Variants in NALCN observed in about 807,000 individuals in gnomAD.
NALCN encodes sodium leak channel NALCN.
A neutral mutation model predicts 225.3 loss-of-function variants in NALCN; 111 were observed. The observed-to-expected ratio is 0.49, with a 90% CI of 0.42 to 0.58. NALCN has a LOEUF of 0.58. Ranked by LOEUF, NALCN falls within the 20% of genes least tolerant of loss-of-function variation. The pLI, the probability that NALCN is intolerant of heterozygous loss-of-function variation, is 0.00. For synonymous variants in NALCN, 764 were observed against 769.0 expected (o/e 0.99, Z 0.11); for missense variants, 1,378 against 2,202.4 (o/e 0.63, Z 7.49).
At chr13:101,136,649 A>G (rs1199612442) in intron 17 of NALCN, among the ~76,000 whole-genome samples, 2 of 152,054 alleles carry the variant, frequency 1.3e-5, no homozygotes, top group Non-Finnish European at 2.9e-5. Flanking sequence ...CTTTTTTATG[A>G]CTGCATAGTA....
intron 10 of NALCN, among the ~76,000 whole-genome samples, chr13:101,264,667 C>T (rs1054918682): frequency 6.6e-6 from 1 of 152,176 alleles, no homozygotes; most frequent in Non-Finnish European, 1.5e-5. Context: ...TAGCAGGCTG[C>T]ACTGGGTGAC....
chr13:101,103,159 A>G lies in NALCN; in HGVS notation c.3057+13T>C. 1 of 1,610,988 alleles carries G rather than the reference A, an allele frequency of 6.2e-7. No individual in the cohort carries two copies. The highest frequency in any genetic ancestry group is 1.1e-5 in the South Asian group (1 of 90,394). ...CTACTGTGAACTGGAATCAAAGGAT[A>G]ATTCTCACATACCAAAAAAATTTCC... On this transcript the variant is annotated intron_variant, in intron 26 of 43. Transcript: ENST00000251127.
intron 14 of NALCN, among the ~76,000 whole-genome samples, chr13:101,191,359 T>C (rs1050946718): frequency 1.3e-5 from 2 of 152,234 alleles, no homozygotes; most frequent in African/African-American, 2.4e-5. Flanking sequence ...CGGTTCTTAC[T>C]GGACTTTGGT....
In NALCN at chr13:101,400,110, A is replaced by C. The variant is rs192796282; in HGVS notation, c.-39-945T>G. Among the ~76,000 whole-genome samples, 30 of 152,140 alleles carry C rather than the reference A, an allele frequency of 2.0e-4. No homozygotes were observed. The East Asian group carries it at 5.4e-3, about 27-fold the overall frequency. ...GGCATATACTATGTTTGGGACACTT[A>C]GCAATGATATTTTATTTGATCTTTA... On this transcript the variant is annotated intron_variant, in intron 1 of 43. Coordinates refer to ENST00000251127, the MANE Select transcript of NALCN (RefSeq NM_052867.4).
chr13:101,396,483 A>G (rs2047297476), intron 2 of NALCN, among the ~76,000 whole-genome samples: 1 of 152,190 alleles, frequency 6.6e-6, no homozygotes, highest in East Asian at 1.9e-4. Flanking sequence ...CAAATACTCA[A>G]GATGAAAAAT....
At chr13:101,199,358 A>T (rs1023417025) in intron 13 of NALCN, among the ~76,000 whole-genome samples, 1 of 151,906 alleles carries the variant, frequency 6.6e-6, no homozygotes, top group Non-Finnish European at 1.5e-5. Context: ...ACATATGTTT[A>T]CTGTGGCACT....
intron 13 of NALCN, among the ~76,000 whole-genome samples, chr13:101,226,211 C>T (rs181411821): frequency 1.7e-3 from 252 of 152,078 alleles, no homozygotes; most frequent in Middle Eastern, 6.8e-3. Flanking sequence ...TAAGATAAAC[C>T]CCCTCTGACC....
chr13:101,303,797 T>C (rs1358390254), intron 7 of NALCN, among the ~76,000 whole-genome samples: 2 of 152,114 alleles, frequency 1.3e-5, no homozygotes, highest in African/African-American at 4.8e-5. Context: ...CCAGCAATCA[T>C]ACCTTTCTAG....
rs375085795 is a variant in NALCN at position 101,059,802 on chromosome 13, C to T, written c.4905+16G>A. On this transcript the variant is annotated intron_variant, in intron 42 of 43. Transcript: ENST00000251127. Reference sequence around the variant, plus strand: ...CCACAGAGTGTCCTGGGACAGAGGACGCCTCGTGCCCATACCTCAGGTTGC... The same window carrying T: ...CCACAGAGTGTCCTGGGACAGAGGATGCCTCGTGCCCATACCTCAGGTTGC... The T allele has an allele frequency of 2.5e-5, 40 of 1,612,668 alleles. No individual in the cohort carries two copies. Among genetic ancestry groups the T allele is most frequent in the African/African-American group, 9.4e-5 (7 of 74,778 alleles).
chr13:101,291,410 T>TA (rs1345964360), intron 9 of NALCN, among the ~76,000 whole-genome samples: 1 of 152,198 alleles, frequency 6.6e-6, no homozygotes, highest in African/African-American at 2.4e-5. Context: ...AGGTATGTAA[T>TA]AAATGTGGTT....
At chr13:101,078,045 A>G (rs756658150) in intron 34 of NALCN, among the ~76,000 whole-genome samples, 9 of 152,208 alleles carry the variant, frequency 5.9e-5, no homozygotes, top group Non-Finnish European at 1.0e-4. Flanking sequence ...TGGCTTACAC[A>G]TGGTTTTGGG....
chr13:101,054,678 A>G lies in NALCN; in HGVS notation c.*617T>C, dbSNP rs2030988811. ...AGGAGGCAACAGTTTCATTAACATA[A>G]CTGAGGACAGAAATCAACTTGTTCT... On this transcript the variant is annotated 3_prime_UTR_variant, in exon 44 of 44. Transcript: ENST00000251127. The G allele has an allele frequency of 6.6e-6, 1 of 152,342 alleles. No individual in the cohort carries two copies. The highest frequency in any genetic ancestry group is 2.1e-4 in the South Asian group (1 of 4,828). The allele number at this position is 152,342 out of a possible 1,614,324, so 9.4% of individuals were successfully genotyped here.
At chr13:101,162,146 C>T (rs997239575) in intron 15 of NALCN, among the ~76,000 whole-genome samples, 10 of 152,168 alleles carry the variant, frequency 6.6e-5, no homozygotes, top group African/African-American at 7.2e-5. Context: ...CCATTTGTGT[C>T]GGGGTCTTCT....
intron 42 of NALCN, 120 bp from the exon 43 acceptor site, chr13:101,058,176 G>A: frequency 3.7e-6 from 3 of 805,242 alleles, no homozygotes; most frequent in Non-Finnish European, 5.9e-6. Context: ...TGGACTCAGA[G>A]TGTCCACAAT....
intron 27 of NALCN, among the ~76,000 whole-genome samples, chr13:101,096,647 C>T (rs542420694): frequency 6.6e-6 from 1 of 152,040 alleles, no homozygotes; most frequent in African/African-American, 2.4e-5. Flanking sequence ...AAGTGGCTGT[C>T]GTGTATACAA....
intron 15 of NALCN, among the ~76,000 whole-genome samples, chr13:101,158,038 C>T (rs1001785572): frequency 2.0e-5 from 3 of 152,126 alleles, no homozygotes; most frequent in Non-Finnish European, 4.4e-5. Context: ...GGGTGAGCAA[C>T]CAACTGTCTT....
intron 35 of NALCN, among the ~76,000 whole-genome samples, chr13:101,075,555 A>C (rs1157624313): frequency 6.6e-6 from 1 of 151,912 alleles, no homozygotes; most frequent in Non-Finnish European, 1.5e-5. Flanking sequence ...AATAAAAATA[A>C]AAATGCATTA....
intron 22 of NALCN, 34 bp downstream of exon 22, chr13:101,107,453 G>A (rs1275575053): frequency 1.2e-6 from 2 of 1,613,226 alleles, no homozygotes; most frequent in African/African-American, 1.3e-5. Flanking sequence ...GCATGGCTCA[G>A]GCCAAACACC....
intron 7 of NALCN, among the ~76,000 whole-genome samples, chr13:101,332,677 A>G (rs981701869): frequency 1.1e-4 from 16 of 152,228 alleles, no homozygotes; most frequent in Non-Finnish European, 1.6e-4. Flanking sequence ...TAACAAAAGC[A>G]AAAATAAAAA....
Sources: gnomAD v4.1 joint callset for allele counts (sites outside exome capture counted in the v4.1 genomes callset) on GRCh38, gnomAD v4.1.1 for gene constraint, MANE v1.5 for transcripts, NCBI Gene and HGNC (gene_info 2026-07-23, HGNC 2026-07-21) for gene names.